Variants in CCNH observed in about 807,000 individuals in gnomAD.
CCNH encodes cyclin-H.
Under a neutral mutation model 41.9 loss-of-function variants are expected in CCNH, and 31 were observed. That is an observed-to-expected ratio of 0.74 (90% CI 0.56 to 1.00). The LOEUF is 1.00. Among genes scored for constraint, CCNH ranks in the 50% least tolerant of loss-of-function variants. The pLI, the probability that CCNH is intolerant of heterozygous loss-of-function variation, is 0.00. For missense variants in CCNH, 362 were observed against 388.4 expected, an observed-to-expected ratio of 0.93 and a Z score of 0.57; for synonymous variants, 138 against 136.1, an observed-to-expected ratio of 1.01 and a Z score of -0.10.
downstream of CCNH, chr5:87,390,959 G>A: frequency 7.0e-7 from 1 of 1,424,086 alleles, no homozygotes; most frequent in Non-Finnish European, 9.9e-7. Context: ...TGTCTCCTTT[G>A]CTCTTGCCAA....
At chr5:87,343,921 T>C (rs1484164301) in intron 9 of CCNH, among the ~76,000 whole-genome samples, 1 of 152,094 alleles carries the variant, frequency 6.6e-6, no homozygotes, top group Non-Finnish European at 1.5e-5. Context: ...CACAGCAACA[T>C]GAATGGAACT....
chr5:87,401,665 G>A, intron 6 of CCNH, 37 bp downstream of exon 6: 2 of 1,263,918 alleles, frequency 1.6e-6, no homozygotes, highest in Non-Finnish European at 2.2e-6. Context: ...GCTTTGTATT[G>A]GAAGAAACAT....
rs764097625 is a variant in CCNH at position 87,411,346 on chromosome 5, C to A, written c.118G>T (p.Val40Phe). Reference protein sequence around the residue: ...FRCKAVANGKVLPNDPVFLEP... With the variant: ...FRCKAVANGKFLPNDPVFLEP... ...AGAAAGACTGGATCATTCGGAAGAACCTTTAGATCAACAATTACAACACAA... is the reference window on the plus strand; with the variant it reads ...AGAAAGACTGGATCATTCGGAAGAAACTTTAGATCAACAATTACAACACAA... The change falls in exon 2 of 9, where the codon GTT becomes TTT. Residue 40 changes from valine (V) to phenylalanine (F), a missense_variant and splice_region_variant. Val to Phe is a conservative substitution (Grantham distance 50). Coordinates refer to ENST00000256897, the MANE Select transcript of CCNH (RefSeq NM_001239.4). 1.6e-5 allele frequency: 25 copies of A among 1,600,810 alleles called. No individual in the cohort carries two copies. The South Asian group carries it at 2.4e-4, about 15-fold the overall frequency.
rs1232583853 is a variant in CCNH at position 87,338,536 on chromosome 5, A to ATTTTTT, written c.*91-19645_*91-19640dup. On this transcript the variant is annotated intron_variant and NMD_transcript_variant, in intron 9 of 9. Transcript: ENST00000645953. ...ATATATATATATATATATATATAAAATTTTTTTTTTTTTTAAGTAGAAATG... is the reference window on the plus strand; with the variant it reads ...ATATATATATATATATATATATAAAATTTTTTTTTTTTTTTTTTTTAAGTAGAAATG... Among the ~76,000 whole-genome samples the ATTTTTT allele has an allele frequency of 8.7e-4, 74 of 85,220 alleles. 1 individual carries two copies. The highest frequency in any genetic ancestry group is 2.6e-3 in the African/African-American group (58 of 22,626). The allele number at this position is 85,220 out of a possible 152,430, so 55.9% of individuals were successfully genotyped here.
At position 87,377,085 on chromosome 5, in the gene CCNH, A is replaced by AT. The variant is rs753349683; in HGVS notation, n.95dup. The AT allele has an allele frequency of 1.9e-6, 3 of 1,562,966 alleles. No individual in the cohort carries two copies. The African/African-American group carries it at 4.1e-5, about 21-fold the overall frequency. The stretch of plus-strand genomic sequence containing the variant: ...GTGTGATACAAGAAACTGGGTTTAG[A>AT]TTTTATATCAAGGATATATGGACTC... On this transcript the variant is annotated non_coding_transcript_exon_variant, in exon 1 of 1. Transcript: ENST00000607486.
intron 9 of CCNH, among the ~76,000 whole-genome samples, chr5:87,344,583 C>G (rs1448313008): frequency 6.6e-6 from 1 of 151,866 alleles, no homozygotes; most frequent in Non-Finnish European, 1.5e-5. Flanking sequence ...TATCATAGTT[C>G]ACCTCAAACT....
intron 9 of CCNH, chr5:87,349,420 G>T: frequency 1.3e-6 from 2 of 1,572,876 alleles, no homozygotes; most frequent in Non-Finnish European, 1.7e-6. Flanking sequence ...TTGAAATCTT[G>T]ATAATACAGT....
At chr5:87,341,283 C>G in intron 9 of CCNH, 1 of 1,332,932 alleles carries the variant, frequency 7.5e-7, no homozygotes, top group Non-Finnish European at 9.7e-7. Flanking sequence ...TAATGTCTTC[C>G]CTTTAGGGCC....
chr5:87,346,951 C>T (rs1758908368), intron 9 of CCNH, among the ~76,000 whole-genome samples: 1 of 151,962 alleles, frequency 6.6e-6, no homozygotes, highest in South Asian at 2.1e-4. Flanking sequence ...CTGTCCACTT[C>T]CTCAGAAGTA....
Position 87,409,269 on chromosome 5 carries a change from A to G in CCNH, c.314+21T>C, listed in dbSNP as rs369613673. The G allele has an allele frequency of 5.1e-5, 68 of 1,334,600 alleles. No individual in the cohort carries two copies. The Admixed American group carries it at 5.7e-4, about 11-fold the overall frequency. 82.7% of individuals were successfully genotyped at this position (1,334,600 alleles called of 1,614,324 possible). ...AAAGGTCTTCTTAAATGAAAACAAT[A>G]TATTAGACAGACATACTCACATTAT... On this transcript the variant is annotated intron_variant, in intron 3 of 8. Transcript: ENST00000256897.
chr5:87,338,398 C>G (rs1758134931), intron 9 of CCNH, among the ~76,000 whole-genome samples: 1 of 149,476 alleles, frequency 6.7e-6, no homozygotes, highest in Non-Finnish European at 1.5e-5. Context: ...GTGGCGTGAT[C>G]TCGGCTCACT....
chr5:87,386,984 A>G, downstream of CCNH: 1 of 1,289,698 alleles, frequency 7.8e-7, no homozygotes, highest in East Asian at 2.3e-5. Flanking sequence ...AGCAATCTTT[A>G]GAAAGATTTT....
chr5:87,390,305 C>T (rs933410039), downstream of CCNH, among the ~76,000 whole-genome samples: 1 of 152,274 alleles, frequency 6.6e-6, no homozygotes, highest in Middle Eastern at 3.4e-3. Context: ...ATAGTGAATG[C>T]TGTCACCGCA....
chr5:87,406,764 C>T (rs185825806), intron 4 of CCNH, among the ~76,000 whole-genome samples: 87 of 152,260 alleles, frequency 5.7e-4, no homozygotes, highest in Non-Finnish European at 7.6e-4. Context: ...GAGTGAAGCC[C>T]AGCACTATCT....
chr5:87,319,176 T>TA (rs1169246565), intron 9 of CCNH, among the ~76,000 whole-genome samples: 1 of 152,218 alleles, frequency 6.6e-6, no homozygotes, highest in Non-Finnish European at 1.5e-5. Context: ...ACAGCTGCTT[T>TA]AATGGGCTGG....
chr5:87,335,600 AT>A (rs1177691243), intron 9 of CCNH, among the ~76,000 whole-genome samples: 1 of 150,450 alleles, frequency 6.6e-6, no homozygotes, highest in Non-Finnish European at 1.5e-5. Flanking sequence ...TAATTTTGAT[AT>A]TTTTAGTAGA....
At chr5:87,390,026 C>A (rs932296292), downstream of CCNH, among the ~76,000 whole-genome samples, 1 of 152,050 alleles carries the variant, frequency 6.6e-6, no homozygotes, top group Non-Finnish European at 1.5e-5. Flanking sequence ...TATAGGTATT[C>A]CGATGCAAGT....
At chr5:87,312,221 TAGTA>T in the CCNH span, among the ~76,000 whole-genome samples, 1 of 152,196 alleles carries the variant, frequency 6.6e-6, no homozygotes, top group African/African-American at 2.4e-5. Flanking sequence ...TATGTAACTT[TAGTA>T]AGTAATAGTC....
intron 5 of CCNH, among the ~76,000 whole-genome samples, chr5:87,404,257 G>C (rs1011076369): frequency 2.6e-5 from 4 of 152,120 alleles, no homozygotes; most frequent in Non-Finnish European, 4.4e-5. Context: ...AATACAATCT[G>C]CTCTATTTGC....
Sources: gnomAD v4.1 joint callset for allele counts (sites outside exome capture counted in the v4.1 genomes callset) on GRCh38, gnomAD v4.1.1 for gene constraint, MANE v1.5 for transcripts, NCBI Gene and HGNC (gene_info 2026-07-23, HGNC 2026-07-21) for gene names.